Variants in TMEM131L observed in about 807,000 individuals in gnomAD.
TMEM131L encodes the protein transmembrane protein 131-like.
In TMEM131L, 54 loss-of-function variants were observed where a neutral mutation model predicts 192.2. The ratio of observed to expected loss-of-function variants is 0.28; its 90% CI spans 0.23 to 0.35. TMEM131L has a LOEUF of 0.35. TMEM131L is among the 10% of genes least tolerant of loss of function. The probability of loss-of-function intolerance (pLI) is 1.00; values close to 1 mark genes in which losing one functional copy is unlikely to be tolerated. For synonymous variants in TMEM131L, 701 were observed against 704.9 expected (o/e 0.99, Z 0.09); for missense variants, 1,888 against 1,972.9 (o/e 0.96, Z 0.82).
intron 3 of TMEM131L, among the ~76,000 whole-genome samples, chr4:153,488,374 C>T (rs1732513953): frequency 6.6e-6 from 1 of 152,238 alleles, no homozygotes; most frequent in Admixed American, 6.5e-5. Context: ...TTCCACACCC[C>T]GTCCTGCAGC....
At position 153,636,302 on chromosome 4, in the gene TMEM131L, C is replaced by T. The variant is rs932761613; in HGVS notation, c.4559C>T (p.Pro1520Leu). ...WGHASFISSP[P>L]YLTSTRSLSP... is the part of the protein sequence containing the mutation. The stretch of plus-strand genomic sequence containing the variant: ...TTTCCTTCCTCATTTATACTTCAGC[C>T]CTACCTCACAAGCACCCGAAGCTTG... Residue 1520 changes from proline to leucine, a missense_variant and splice_region_variant, in exon 35 of 35, where the codon CCC becomes CTC. By Grantham distance (98) the Pro-to-Leu change is moderately conservative. Coordinates refer to ENST00000409959, the MANE Select transcript of TMEM131L (RefSeq NM_001131007.2). 10 of 1,612,366 alleles carry T rather than the reference C, an allele frequency of 6.2e-6. No homozygotes were observed. The Admixed American group carries it at 1.2e-4, about 19-fold the overall frequency.
chr4:153,623,126 C>T (rs371936890), intron 29 of TMEM131L, 43 bp downstream of exon 29: 2 of 1,500,628 alleles, frequency 1.3e-6, no homozygotes, highest in African/African-American at 1.4e-5. Context: ...GTGGCCCTTC[C>T]CTCTGCCCTC....
intron 25 of TMEM131L, among the ~76,000 whole-genome samples, chr4:153,607,002 G>A (rs1374824699): frequency 2.0e-5 from 3 of 152,150 alleles, no homozygotes; most frequent in Admixed American, 1.3e-4. Context: ...GAAAATATCC[G>A]AGATGTTAAA....
intron 2 of TMEM131L, among the ~76,000 whole-genome samples, chr4:153,471,672 G>C (rs905294833): frequency 6.6e-6 from 1 of 152,204 alleles, no homozygotes; most frequent in East Asian, 1.9e-4. Context: ...TGGTTAGCAG[G>C]TTTGGGAACC....
At chr4:153,576,983 C>T (rs1261407294) in intron 7 of TMEM131L, among the ~76,000 whole-genome samples, 2 of 152,058 alleles carry the variant, frequency 1.3e-5, no homozygotes, top group African/African-American at 4.8e-5. Context: ...AATCTCCTGG[C>T]GTAGGTAGAC....
chr4:153,564,434 C>A (rs1729062943), intron 7 of TMEM131L, among the ~76,000 whole-genome samples: 1 of 151,944 alleles, frequency 6.6e-6, no homozygotes, highest in Non-Finnish European at 1.5e-5. Flanking sequence ...CCTGGACTTC[C>A]CAGAACTGTG....
chr4:153,549,004 G>A (rs747665226), intron 3 of TMEM131L, among the ~76,000 whole-genome samples: 8 of 151,886 alleles, frequency 5.3e-5, no homozygotes, highest in East Asian at 3.9e-4. Flanking sequence ...TTGCTCTGTC[G>A]CCCAGTCTGG....
intron 7 of TMEM131L, among the ~76,000 whole-genome samples, chr4:153,578,580 G>A (rs920376281): frequency 6.6e-6 from 1 of 151,056 alleles, no homozygotes; most frequent in African/African-American, 2.4e-5. Context: ...GAGTGCAGTG[G>A]CGCGATCTCG....
In TMEM131L at chr4:153,602,638, C is replaced by T. The variant is rs1199642227; in HGVS notation, c.2550C>T (p.Leu850=). ...LEFRFTLNVT[L]PHHLLPLCAD... is the part of the protein sequence containing the mutation. ...TTCGCTTCACTCTCAATGTGACTCT[C>T]CCTCATCACCTGTTGCCCTTGTGTG... is the stretch of plus-strand genomic sequence containing the variant. The change falls in exon 23 of 35, where the codon CTC becomes CTT. Residue 850 remains leucine, a synonymous_variant. Transcript: ENST00000409959. 6.2e-7 allele frequency: 1 copy of T among 1,614,138 alleles called. No homozygotes were observed.
chr4:153,613,980 A>G (rs1024256645), intron 26 of TMEM131L, among the ~76,000 whole-genome samples: 1 of 152,248 alleles, frequency 6.6e-6, no homozygotes, highest in Non-Finnish European at 1.5e-5. Flanking sequence ...TGTGTAACCA[A>G]ACACCAAGAT....
chr4:153,539,142 A>G (rs1045820069), intron 3 of TMEM131L, among the ~76,000 whole-genome samples: 4 of 152,180 alleles, frequency 2.6e-5, no homozygotes, highest in African/African-American at 7.2e-5. Flanking sequence ...TTCATACAAC[A>G]TATGTTTAAG....
chr4:153,611,061 T>C (rs1224890617), intron 25 of TMEM131L, among the ~76,000 whole-genome samples: 2 of 152,222 alleles, frequency 1.3e-5, no homozygotes, highest in African/African-American at 4.8e-5. Context: ...ATGAAATCAC[T>C]TAAAAGAAAA....
intron 5 of TMEM131L, 109 bp downstream of exon 5, chr4:153,556,019 G>A: frequency 9.1e-7 from 1 of 1,093,804 alleles, no homozygotes; most frequent in Non-Finnish European, 1.3e-6. Context: ...CGCTTTTTCT[G>A]GTACCCAAAC....
intron 3 of TMEM131L, among the ~76,000 whole-genome samples, chr4:153,493,294 G>A (rs1199807248): frequency 2.8e-5 from 4 of 144,912 alleles, no homozygotes; most frequent in East Asian, 2.0e-4. Flanking sequence ...TGCAGTGAGC[G>A]GAGATAGTGC....
At chr4:153,499,576 G>A (rs77540986) in intron 3 of TMEM131L, among the ~76,000 whole-genome samples, 10 of 152,036 alleles carry the variant, frequency 6.6e-5, no homozygotes, top group Non-Finnish European at 1.2e-4. Context: ...ACAGGCACGC[G>A]CCACCATGCC....
chr4:153,470,952 T>C (rs2149717246), intron 2 of TMEM131L, among the ~76,000 whole-genome samples: 1 of 152,156 alleles, frequency 6.6e-6, no homozygotes, highest in Non-Finnish European at 1.5e-5. Context: ...TCTCCCTCTT[T>C]GAGTTTCTTG....
At chr4:153,591,341 A>C (rs1731054353) in intron 17 of TMEM131L, 147 bp downstream of exon 17, 2 of 620,846 alleles carry the variant, frequency 3.2e-6, no homozygotes, top group South Asian at 7.5e-5. Flanking sequence ...GTAAAACTCT[A>C]AACAGACTGA....
At chr4:153,497,409 T>C (rs3816086) in intron 3 of TMEM131L, among the ~76,000 whole-genome samples, 58,753 of 151,818 alleles carry the variant, frequency 0.39, 11,722 homozygotes, top group Middle Eastern at 0.48. Context: ...CTCATGCTGC[T>C]TGAAGCTGAA....
chr4:153,581,536 G>A lies in TMEM131L; in HGVS notation c.868G>A (p.Ala290Thr). Reference protein sequence around the residue: ...LLDHLSIVYVATDESETSDDS... With the variant: ...LLDHLSIVYVTTDESETSDDS... ...AGATCATCTCTCTATTGTTTACGTAGCTACAGATGAATCTGAGACCTCAGG... is the reference window on the plus strand; with the variant it reads ...AGATCATCTCTCTATTGTTTACGTAACTACAGATGAATCTGAGACCTCAGG... The change falls in exon 9 of 35, where the codon GCT becomes ACT. Residue 290 changes from alanine to threonine, a missense_variant. Coordinates refer to ENST00000409959, the MANE Select transcript of TMEM131L (RefSeq NM_001131007.2). The A allele has an allele frequency of 1.3e-6, 2 of 1,573,034 alleles. No homozygotes were observed. Among genetic ancestry groups the A allele is most frequent in the African/African-American group, 1.4e-5 (1 of 73,312 alleles).
Sources: allele counts gnomAD v4.1 joint callset (sites outside exome capture counted in the v4.1 genomes callset), GRCh38; gene constraint gnomAD v4.1.1; transcripts MANE v1.5; gene names NCBI Gene and HGNC (gene_info 2026-07-23, HGNC 2026-07-21).